Variants in SLCO1A2 observed in about 807,000 individuals in gnomAD.
SLCO1A2 encodes the protein OATP-1.
SLCO1A2 carries 67 observed loss-of-function variants against 69.0 expected under a neutral mutation model. The ratio of observed to expected loss-of-function variants is 0.97; its 90% CI spans 0.80 to 1.19. The LOEUF (loss-of-function observed/expected upper bound fraction) is 1.19. SLCO1A2 is among the 50% of genes most tolerant of loss of function. The pLI is 0.00. For missense variants in SLCO1A2, 787 were observed against 793.7 expected (o/e 0.99, Z 0.10); for synonymous variants, 260 against 265.9 (o/e 0.98, Z 0.22).
chr12:21,275,076 C>T (rs1470105654), intron 13 of SLCO1A2: 2 of 1,030,766 alleles, frequency 1.9e-6, no homozygotes, highest in Non-Finnish European at 2.3e-6. Context: ...ATAATATTAC[C>T]TTGTTTATCT....
intron 2 of SLCO1A2, among the ~76,000 whole-genome samples, chr12:21,344,290 C>T (rs1953181835): frequency 6.6e-6 from 1 of 151,856 alleles, no homozygotes; most frequent in South Asian, 2.1e-4. Flanking sequence ...AAGGAAGAGC[C>T]CTCTCTCCTT....
intron 2 of SLCO1A2, among the ~76,000 whole-genome samples, chr12:21,370,293 C>T (rs1215060894): frequency 6.6e-6 from 1 of 151,826 alleles, no homozygotes; most frequent in Non-Finnish European, 1.5e-5. Flanking sequence ...CTGTGCCTGA[C>T]ATATGATAGT....
intron 2 of SLCO1A2, among the ~76,000 whole-genome samples, chr12:21,320,130 A>G (rs1328306015): frequency 6.6e-6 from 1 of 152,162 alleles, no homozygotes; most frequent in Non-Finnish European, 1.5e-5. Context: ...CTATTTACCT[A>G]GCACACTCAA....
intron 2 of SLCO1A2, among the ~76,000 whole-genome samples, chr12:21,325,106 ATGGATATGAAG>A (rs1565499978): frequency 6.6e-6 from 1 of 152,126 alleles, no homozygotes; most frequent in Admixed American, 6.6e-5. Context: ...TGCTCCACAA[ATGGATATGAAG>A]TGGAGAATTT....
chr12:21,340,517 C>T (rs1953032066), intron 2 of SLCO1A2, among the ~76,000 whole-genome samples: 1 of 151,932 alleles, frequency 6.6e-6, no homozygotes, highest in African/African-American at 2.4e-5. Flanking sequence ...TAGTATTTGC[C>T]TCCGCATATA....
chr12:21,360,177 C>T (rs1262006672), intron 2 of SLCO1A2, among the ~76,000 whole-genome samples: 6 of 152,002 alleles, frequency 3.9e-5, no homozygotes, highest in Non-Finnish European at 8.8e-5. Flanking sequence ...ACGAGATAAA[C>T]TAAAAAAGGT....
chr12:21,289,626 T>C (rs1946519951), intron 12 of SLCO1A2, among the ~76,000 whole-genome samples: 1 of 152,164 alleles, frequency 6.6e-6, no homozygotes. Flanking sequence ...CATTTGTGTC[T>C]TTTATAATAA....
rs376784003 is a variant in SLCO1A2, at chr12:21,278,515, C to A, written c.1611-3091G>T. The stretch of plus-strand genomic sequence containing the variant: ...CCACAGGGGTGCATCACCCTACCCC[C>A]ACTTCTGGGCAACTTAGCACAGAGA... On this transcript the variant is annotated intron_variant, in intron 12 of 14. Coordinates refer to ENST00000683939, the MANE Select transcript of SLCO1A2 (RefSeq NM_001386879.1). Among the ~76,000 whole-genome samples the A allele has an allele frequency of 5.9e-5, 9 of 152,238 alleles. No individual in the cohort carries two copies. In the East Asian group the frequency reaches 7.7e-4, roughly 13 times the overall value.
intron 1 of SLCO1A2, among the ~76,000 whole-genome samples, chr12:21,392,488 G>A (rs1647817899): frequency 6.6e-6 from 1 of 152,260 alleles, no homozygotes; most frequent in African/African-American, 2.4e-5. Context: ...AAAGCACTCT[G>A]AGCAAACTTA....
Position 21,408,298 on chromosome 12 carries a change from G to A in SLCO1A2, c.-312+9584C>T, listed in dbSNP as rs116621142. Among the ~76,000 whole-genome samples, 993 of 151,844 alleles carry A rather than the reference G, an allele frequency of 6.5e-3. 7 individuals are homozygous for A. The highest frequency in any genetic ancestry group is 0.023 in the African/African-American group (940 of 41,370). On this transcript the variant is annotated intron_variant, in intron 1 of 4. Transcript: ENST00000413682. ...AAACACATTCTTTCCTTGCTTCTTT[G>A]TGTCTATCAACCTCCCTCTTTTTTT...
At chr12:21,299,079 C>T (rs1350808280) in intron 8 of SLCO1A2, among the ~76,000 whole-genome samples, 1 of 151,986 alleles carries the variant, frequency 6.6e-6, no homozygotes, top group African/African-American at 2.4e-5. Context: ...ATAGTAAGTA[C>T]TATTATTATC....
intron 12 of SLCO1A2, among the ~76,000 whole-genome samples, chr12:21,279,424 T>A (rs1944418598): frequency 6.6e-6 from 1 of 152,062 alleles, no homozygotes; most frequent in African/African-American, 2.4e-5. Flanking sequence ...CCCCGCAAGG[T>A]CATGTATAAA....
chr12:21,292,057 G>T, intron 12 of SLCO1A2, 107 bp downstream of exon 12: 1 of 713,220 alleles, frequency 1.4e-6, no homozygotes, highest in Non-Finnish European at 2.2e-6. Flanking sequence ...TAAATGGTAC[G>T]TTAGAGCACT....
intron 14 of SLCO1A2, among the ~76,000 whole-genome samples, chr12:21,270,731 T>C (rs939726822): frequency 6.6e-6 from 1 of 151,134 alleles, no homozygotes; most frequent in Non-Finnish European, 1.5e-5. Context: ...ATTAATTGTC[T>C]AGAAAAATAT....
intron 10 of SLCO1A2, chr12:21,295,344 A>C (rs1330796370): frequency 2.9e-6 from 1 of 349,842 alleles, no homozygotes; most frequent in African/African-American, 2.1e-5. Context: ...TCACAAAGAC[A>C]ATCATGCACA....
chr12:21,378,427 A>T (rs1166313018), intron 1 of SLCO1A2: 2 of 1,608,638 alleles, frequency 1.2e-6, no homozygotes, highest in East Asian at 2.2e-5. Flanking sequence ...GCCCCTTTAG[A>T]GGACAATGTA....
intron 1 of SLCO1A2, among the ~76,000 whole-genome samples, chr12:21,388,760 A>G: frequency 6.6e-6 from 1 of 152,178 alleles, no homozygotes; most frequent in Non-Finnish European, 1.5e-5. Context: ...CCACTTCACT[A>G]CTTTCATATA....
Position 21,304,481 on chromosome 12 carries a change from C to G in SLCO1A2, c.535G>C (p.Gly179Arg). ...GMGETPILPL[G>R]ISYIEDFAKF... is the part of the protein sequence containing the mutation. ...GCAAAATCTTCTATATAGGAAATAC[C>G]CAAAGGCAGGATGGGAGTTTCACCC... The change falls in exon 6 of 15, where the codon GGT (glycine) becomes CGT (arginine). Residue 179 changes from glycine (G) to arginine (R), a missense_variant. By Grantham distance (125) the Gly-to-Arg change is moderately radical. Coordinates refer to ENST00000683939, the MANE Select transcript of SLCO1A2 (RefSeq NM_001386879.1). 3 of 1,612,234 alleles carry G rather than the reference C, an allele frequency of 1.9e-6. No individual in the cohort carries two copies. The South Asian group carries it at 3.3e-5, about 18-fold the overall frequency.
intron 1 of SLCO1A2, among the ~76,000 whole-genome samples, chr12:21,388,034 T>G (rs577770542): frequency 1.3e-5 from 2 of 152,336 alleles, no homozygotes; most frequent in East Asian, 1.9e-4. Flanking sequence ...ATGTTGGGCC[T>G]GTAGCCCCTT....
Sources: allele counts gnomAD v4.1 joint callset (sites outside exome capture counted in the v4.1 genomes callset), GRCh38; gene constraint gnomAD v4.1.1; transcripts MANE v1.5; gene names NCBI Gene and HGNC (gene_info 2026-07-23, HGNC 2026-07-21).